Variants in BRAF observed in about 807,000 individuals in gnomAD.
The protein encoded by BRAF is serine/threonine-protein kinase B-raf.
BRAF carries 16 observed loss-of-function variants against 104.6 expected under a neutral mutation model. That is an observed-to-expected ratio of 0.15 (90% CI 0.10 to 0.23). The LOEUF (loss-of-function observed/expected upper bound fraction) is 0.23. Ranked by LOEUF, BRAF falls within the 10% of genes least tolerant of loss-of-function variation. BRAF has a pLI of 1.00. For missense variants in BRAF, 541 were observed against 937.3 expected, an observed-to-expected ratio of 0.58 and a Z score of 5.52; for synonymous variants, 310 against 341.6, an observed-to-expected ratio of 0.91 and a Z score of 1.02.
At chr7:140,794,067 A>T (rs1802275905) in intron 8 of BRAF, among the ~76,000 whole-genome samples, 1 of 152,208 alleles carries the variant, frequency 6.6e-6, no homozygotes, top group Non-Finnish European at 1.5e-5. Flanking sequence ...ACTTTTATAG[A>T]GATGGTATCA....
intron 14 of BRAF, among the ~76,000 whole-genome samples, chr7:140,765,849 G>T (rs1028392616): frequency 6.6e-6 from 1 of 150,594 alleles, no homozygotes; most frequent in African/African-American, 2.5e-5. Context: ...TACACTGTTG[G>T]TGGGACTGTA....
Position 140,924,630 on chromosome 7 carries a change from G to A in BRAF, c.74C>T (p.Pro25Leu). The change falls in exon 1 of 20, where the codon CCC becomes CTC. Residue 25 changes from proline to leucine, a missense_variant. This residue lies in a region of BRAF where 82 missense variants were observed against 65.9 expected (regional missense o/e 1.24). Transcript: ENST00000644969. This position sits in a 1 kb window ranked among gnomAD's most constrained non-coding sequence, Gnocchi z 4.2. Reference sequence around the variant, plus strand: ...GGCGCCGGCGCCGGCGCCGGCCTCGGGCTCCATGTCCCCGTTGAACAGAGC... The same window carrying A: ...GGCGCCGGCGCCGGCGCCGGCCTCGAGCTCCATGTCCCCGTTGAACAGAGC... ...GQALFNGDME[P>L]EAGAGAGAAA... 1 of 1,515,172 alleles carries A rather than the reference G, an allele frequency of 6.6e-7. No homozygotes were observed. The highest frequency in any genetic ancestry group is 8.8e-7 in the Non-Finnish European group (1 of 1,131,860). The allele number at this position is 1,515,172 out of a possible 1,614,324, so 93.9% of individuals were successfully genotyped here.
chr7:140,920,736 G>GTGT (rs1206580322), intron 1 of BRAF, among the ~76,000 whole-genome samples: 1 of 152,170 alleles, frequency 6.6e-6, no homozygotes, highest in Non-Finnish European at 1.5e-5. Context: ...ACAGAAAAAG[G>GTGT]AGTGAGTGGA....
chr7:140,820,420 C>T (rs1266670843), intron 3 of BRAF, among the ~76,000 whole-genome samples: 1 of 152,112 alleles, frequency 6.6e-6, no homozygotes, highest in Non-Finnish European at 1.5e-5. Flanking sequence ...TGCAACATTA[C>T]CTAATTATCC....
chr7:140,838,168 T>C (rs1182844630), intron 2 of BRAF, among the ~76,000 whole-genome samples: 2 of 152,192 alleles, frequency 1.3e-5, no homozygotes, highest in African/African-American at 4.8e-5. Context: ...ATCAAAACTC[T>C]AAATATTTTT....
chr7:140,798,201 C>A (rs1802681911), intron 7 of BRAF, among the ~76,000 whole-genome samples: 1 of 150,818 alleles, frequency 6.6e-6, no homozygotes, highest in South Asian at 2.1e-4. Context: ...TTAAAACTGA[C>A]AATAAATATT....
chr7:140,748,450 T>G (rs1199169422), intron 17 of BRAF, among the ~76,000 whole-genome samples: 1 of 152,150 alleles, frequency 6.6e-6, no homozygotes, highest in Non-Finnish European at 1.5e-5. Context: ...CTGCTCCAGT[T>G]TCTCCATTTT....
intron 12 of BRAF, chr7:140,780,410 T>A (rs1800760200): frequency 6.6e-6 from 1 of 152,108 alleles, no homozygotes; most frequent in Non-Finnish European, 1.5e-5. Context: ...CTGGCTAATT[T>A]TTTGTATTTT....
chr7:140,910,750 C>T (rs899285643), intron 1 of BRAF, among the ~76,000 whole-genome samples: 1 of 152,152 alleles, frequency 6.6e-6, no homozygotes, highest in Admixed American at 6.6e-5. Context: ...TCATAGCTCA[C>T]TGCAGCCGTG....
Position 140,724,157 on chromosome 7 carries a change from G to GT in BRAF, c.*2336dup, listed in dbSNP as rs1188872228. 1.9e-6 allele frequency: 2 copies of GT among 1,053,688 alleles called. No individual in the cohort carries two copies. The highest frequency in any genetic ancestry group is 9.1e-5 in the South Asian group (2 of 21,888). The allele number at this position is 1,053,688 out of a possible 1,614,324, so 65.3% of individuals were successfully genotyped here. A position where few individuals can be genotyped will look rare whatever the true frequency, so the allele number is the denominator to read the frequency against. On this transcript the variant is annotated 3_prime_UTR_variant, in exon 20 of 20. Coordinates refer to ENST00000644969, the MANE Select transcript of BRAF (RefSeq NM_001374258.1). ...GAAAAAGTGTATCACCCTGAATATT[G>GT]TTTAAGAAACTGAAATGCTAAGCTT...
intron 1 of BRAF, among the ~76,000 whole-genome samples, chr7:140,863,362 G>C (rs1810614057): frequency 6.6e-6 from 1 of 152,126 alleles, no homozygotes; most frequent in Admixed American, 6.5e-5. Context: ...GTAAGCAAGG[G>C]GAGAGTAGAA....
At chr7:140,862,539 A>C (rs1437724213) in intron 1 of BRAF, among the ~76,000 whole-genome samples, 2 of 152,256 alleles carry the variant, frequency 1.3e-5, no homozygotes, top group Non-Finnish European at 2.9e-5. Flanking sequence ...ATGAATTAAA[A>C]GACTCATATC....
intron 3 of BRAF, among the ~76,000 whole-genome samples, chr7:140,817,287 T>C (rs1221959562): frequency 6.6e-6 from 1 of 152,060 alleles, no homozygotes; most frequent in Non-Finnish European, 1.5e-5. Flanking sequence ...AAAACACTGA[T>C]GCAAGAAACT....
intron 3 of BRAF, among the ~76,000 whole-genome samples, chr7:140,816,770 C>T (rs1804923970): frequency 6.6e-6 from 1 of 152,112 alleles, no homozygotes; most frequent in African/African-American, 2.4e-5. Context: ...GAACTAAAAA[C>T]AACTCAAAGA....
intron 1 of BRAF, among the ~76,000 whole-genome samples, chr7:140,901,897 T>C (rs1419665197): frequency 1.3e-5 from 2 of 152,230 alleles, no homozygotes; most frequent in African/African-American, 2.4e-5. Flanking sequence ...GTAAGCTCCT[T>C]GAAGACAAAC....
intron 1 of BRAF, among the ~76,000 whole-genome samples, chr7:140,908,987 TTC>T (rs930380119): frequency 1.4e-5 from 2 of 140,406 alleles, no homozygotes; most frequent in Non-Finnish European, 3.0e-5. Context: ...GCTCTACGTT[TTC>T]TTTTTTTTTT....
intron 17 of BRAF, chr7:140,747,358 G>C: frequency 7.9e-7 from 1 of 1,259,206 alleles, no homozygotes; most frequent in African/African-American, 1.6e-5. Flanking sequence ...AACTAGTAAA[G>C]GCCTTACCCT....
intron 2 of BRAF, among the ~76,000 whole-genome samples, chr7:140,842,627 A>T (rs1808089401): frequency 6.6e-6 from 1 of 152,224 alleles, no homozygotes; most frequent in Admixed American, 6.5e-5. Context: ...TTGTTGGATA[A>T]ATGAATATGG....
intron 1 of BRAF, among the ~76,000 whole-genome samples, chr7:140,887,834 C>A (rs1813746594): frequency 6.6e-6 from 1 of 152,120 alleles, no homozygotes; most frequent in African/African-American, 2.4e-5. Flanking sequence ...CCACCTTGGC[C>A]ACCCAAGTAG....
Sources: gnomAD v4.1 joint callset for allele counts (sites outside exome capture counted in the v4.1 genomes callset) on GRCh38, gnomAD v4.1.1 for gene constraint, gnomAD v4.1.1 regional missense constraint, Gnocchi (gnomAD v3.1) non-coding constraint, MANE v1.5 for transcripts, NCBI Gene and HGNC (gene_info 2026-07-23, HGNC 2026-07-21) for gene names.